Variants in LRRTM3 observed in about 807,000 individuals in gnomAD.
The protein encoded by LRRTM3 is leucine rich repeat transmembrane neuronal 3.
LRRTM3 carries 24 observed loss-of-function variants against 44.7 expected under a neutral mutation model. The ratio of observed to expected loss-of-function variants is 0.54; its 90% CI spans 0.39 to 0.76. The LOEUF (loss-of-function observed/expected upper bound fraction) is 0.76, where lower values mean the gene tolerates loss of function less well. Ranked by LOEUF, LRRTM3 falls within the 30% of genes least tolerant of loss-of-function variation. LRRTM3 has a pLI of 0.00. For missense variants in LRRTM3, 587 were observed against 702.2 expected, an observed-to-expected ratio of 0.84 and a Z score of 1.85; for synonymous variants, 277 against 278.7, an observed-to-expected ratio of 0.99 and a Z score of 0.06.
chr10:66,940,009 T>TA (rs1847913910), intron 2 of LRRTM3, among the ~76,000 whole-genome samples: 1 of 152,158 alleles, frequency 6.6e-6, no homozygotes, highest in Non-Finnish European at 1.5e-5. Flanking sequence ...ATTTTTTTTT[T>TA]AATTCTTCTT....
At chr10:67,095,293 T>C (rs1374761622) in intron 2 of LRRTM3, among the ~76,000 whole-genome samples, 1 of 151,692 alleles carries the variant, frequency 6.6e-6, no homozygotes, top group Non-Finnish European at 1.5e-5. Context: ...ATGTTAAACA[T>C]TCACGTTGCT....
intron 2 of LRRTM3, among the ~76,000 whole-genome samples, chr10:66,971,771 A>C (rs144324967): frequency 1.3e-5 from 2 of 152,302 alleles, no homozygotes; most frequent in Non-Finnish European, 2.9e-5. Context: ...TACCATAAAC[A>C]TAATTTATTT....
chr10:66,958,270 C>T (rs903387399), intron 2 of LRRTM3, among the ~76,000 whole-genome samples: 8 of 115,840 alleles, frequency 6.9e-5, no homozygotes, highest in African/African-American at 2.6e-4. Context: ...TATTGGTTAA[C>T]AAACCACAGG....
intron 2 of LRRTM3, among the ~76,000 whole-genome samples, chr10:66,977,498 C>T (rs1372950341): frequency 1.3e-5 from 2 of 151,746 alleles, no homozygotes; most frequent in Admixed American, 6.6e-5. Context: ...AGCAATAAAA[C>T]TTTAGAAACT....
chr10:67,053,865 T>C lies in LRRTM3; in HGVS notation c.1537-43722T>C, dbSNP rs190939147. ...CACAGATGTAAATGAGCATGACTTG[T>C]ATATCTATGACTTGTGCTAGAAAGG... On this transcript the variant is annotated intron_variant, in intron 2 of 2. Coordinates refer to ENST00000361320, the MANE Select transcript of LRRTM3 (RefSeq NM_178011.5). Among the ~76,000 whole-genome samples the C allele has an allele frequency of 1.2e-3, 176 of 152,298 alleles. 1 individual carries two copies. Among genetic ancestry groups the C allele is most frequent in the African/African-American group, 4.0e-3 (168 of 41,570 alleles).
chr10:66,958,972 G>T (rs1298261815), intron 2 of LRRTM3, among the ~76,000 whole-genome samples: 2 of 152,122 alleles, frequency 1.3e-5, no homozygotes, highest in African/African-American at 4.8e-5. Context: ...TAGGGAGAGA[G>T]AGTGTAAATG....
intron 2 of LRRTM3, among the ~76,000 whole-genome samples, chr10:66,939,989 T>A (rs1401110446): frequency 6.6e-6 from 1 of 152,118 alleles, no homozygotes; most frequent in Non-Finnish European, 1.5e-5. Context: ...ATAAACCCAG[T>A]GGTTACTTAA....
chr10:67,022,665 C>A (rs1023324218), intron 2 of LRRTM3, among the ~76,000 whole-genome samples: 2 of 152,100 alleles, frequency 1.3e-5, no homozygotes, highest in African/African-American at 4.8e-5. Flanking sequence ...AGGCCGGGCA[C>A]GGTGGTTCAT....
At chr10:67,036,920 G>C (rs969750993) in intron 2 of LRRTM3, among the ~76,000 whole-genome samples, 3 of 152,032 alleles carry the variant, frequency 2.0e-5, no homozygotes, top group Admixed American at 1.3e-4. Context: ...GGAAGGAAAG[G>C]GTAGTTGTTT....
At chr10:67,081,913 A>G (rs1225607012) in intron 2 of LRRTM3, among the ~76,000 whole-genome samples, 1 of 152,184 alleles carries the variant, frequency 6.6e-6, no homozygotes. Flanking sequence ...TTATGTTTAT[A>G]TGCATGGATC....
At chr10:66,988,930 A>T (rs984634498) in intron 2 of LRRTM3, among the ~76,000 whole-genome samples, 1 of 151,836 alleles carries the variant, frequency 6.6e-6, no homozygotes, top group Non-Finnish European at 1.5e-5. Context: ...CTGAAGGATC[A>T]TCTTCCTCTT....
chr10:66,933,518 C>T (rs1276119185), intron 2 of LRRTM3, among the ~76,000 whole-genome samples: 1 of 152,100 alleles, frequency 6.6e-6, no homozygotes, highest in African/African-American at 2.4e-5. Context: ...TATATGGCAA[C>T]ATGACATCAT....
chr10:67,075,170 G>GCACACACA (rs57260841), intron 2 of LRRTM3, among the ~76,000 whole-genome samples: 14,857 of 149,678 alleles, frequency 0.099, 1,754 homozygotes, highest in African/African-American at 0.29. Flanking sequence ...AAGGATTTCT[G>GCACACACA]CACACACACA....
chr10:66,926,803 T>A, intron 1 of LRRTM3, 118 bp from the exon 2 acceptor site: 1 of 976,020 alleles, frequency 1.0e-6, no homozygotes. Context: ...TAATATGTGA[T>A]GTTAAGTGTT....
chr10:66,978,554 T>TATATATATAG, intron 2 of LRRTM3, among the ~76,000 whole-genome samples: 1 of 61,166 alleles, frequency 1.6e-5, no homozygotes, highest in Non-Finnish European at 3.6e-5. Context: ...AAAAAAAAAA[T>TATATATATAG]ATATATATAT....
At chr10:67,001,177 T>C (rs991520535) in intron 2 of LRRTM3, among the ~76,000 whole-genome samples, 13 of 151,080 alleles carry the variant, frequency 8.6e-5, no homozygotes, top group African/African-American at 3.2e-4. Flanking sequence ...GGTGTGTGCC[T>C]GTAATCCCAG....
rs184624770 is a variant in LRRTM3, at chr10:67,040,811, T to C, written c.1537-56776T>C. On this transcript the variant is annotated intron_variant, in intron 2 of 2. Transcript: ENST00000361320. ...GTGGTATTTTTAAAATTATACCACA[T>C]GATGTTAAATTATAAGCACACATCA... 5.6e-3 allele frequency among the ~76,000 whole-genome samples: 857 copies of C among 152,206 alleles called. 4 individuals are homozygous for C. The highest frequency in any genetic ancestry group is 9.0e-3 in the Non-Finnish European group (609 of 67,982).
intron 2 of LRRTM3, among the ~76,000 whole-genome samples, chr10:66,974,995 T>TA (rs1849949142): frequency 6.6e-6 from 1 of 152,124 alleles, no homozygotes; most frequent in Non-Finnish European, 1.5e-5. Context: ...TCTGAAACAA[T>TA]AGGCCTGGAA....
At chr10:67,018,322 TTGATTCC>T (rs1260371835) in intron 2 of LRRTM3, among the ~76,000 whole-genome samples, 5 of 152,206 alleles carry the variant, frequency 3.3e-5, no homozygotes, top group African/African-American at 1.2e-4. Context: ...CATTTCTGAT[TTGATTCC>T]TGATTCCTGA....
Sources: allele counts gnomAD v4.1 joint callset (sites outside exome capture counted in the v4.1 genomes callset), GRCh38; gene constraint gnomAD v4.1.1; transcripts MANE v1.5; gene names NCBI Gene and HGNC (gene_info 2026-07-23, HGNC 2026-07-21).